CP: variants seen among roughly 807,000 people sequenced by gnomAD.
The protein encoded by CP is ceruloplasmin, also known as caeruloplasmin.
CP carries 64 observed loss-of-function variants against 122.4 expected under a neutral mutation model. The observed-to-expected ratio is 0.52, with a 90% CI of 0.43 to 0.64. The LOEUF (loss-of-function observed/expected upper bound fraction) is 0.64. Among genes scored for constraint, CP ranks in the 30% least tolerant of loss-of-function variants. The pLI is 0.00. For missense variants in CP, 1,167 were observed against 1,284.4 expected, an observed-to-expected ratio of 0.91 and a Z score of 1.40; for synonymous variants, 440 against 436.4, an observed-to-expected ratio of 1.01 and a Z score of -0.10.
At position 149,183,578 on chromosome 3, in the gene CP, T is replaced by C. The variant is rs1467047935; in HGVS notation, c.2313A>G (p.Gly771=). The C allele has an allele frequency of 5.0e-6, 8 of 1,601,036 alleles. No homozygotes were observed. Among genetic ancestry groups the C allele is most frequent in the Non-Finnish European group, 5.1e-6 (6 of 1,171,096 alleles). ...QNVSNAFLDK[G]EFYIGSKYKK... is the part of the protein sequence containing the mutation. Reference sequence around the variant, plus strand: ...TGTACTTTGAGCCTATGTAAAACTCTCCCTTATCTAAAAATGCATTTGAAA... The same window carrying C: ...TGTACTTTGAGCCTATGTAAAACTCCCCCTTATCTAAAAATGCATTTGAAA... Residue 771 remains glycine (G), a synonymous_variant, in exon 13 of 19, where the codon GGA becomes GGG. Transcript: ENST00000264613.
Position 149,210,681 on chromosome 3 carries a change from C to T in CP, c.395-302G>A, listed in dbSNP as rs369272463. The stretch of plus-strand genomic sequence containing the variant: ...TGGGAGTCTGAGCAAAAAGGCTACC[C>T]TCTTCTAAATTCAAAACTTCTTATA... On this transcript the variant is annotated intron_variant, in intron 2 of 18. Coordinates refer to ENST00000264613, the MANE Select transcript of CP (RefSeq NM_000096.4). 3.0e-4 allele frequency among the ~76,000 whole-genome samples: 46 copies of T among 152,264 alleles called. 3 individuals carry two copies. The highest frequency in any genetic ancestry group is 1.8e-3 in the Admixed American group (27 of 15,284).
intron 2 of CP, among the ~76,000 whole-genome samples, chr3:149,212,173 T>C (rs1728154076): frequency 6.6e-6 from 1 of 151,734 alleles, no homozygotes; most frequent in South Asian, 2.1e-4. Context: ...TTGCCAGGCA[T>C]GGTAGTGGGC....
chr3:149,186,363 G>A, intron 11 of CP, 157 bp downstream of exon 11: 1 of 711,460 alleles, frequency 1.4e-6, no homozygotes, highest in Non-Finnish European at 2.5e-6. Context: ...ACATACTTCA[G>A]CTGATAGTGG....
At chr3:149,207,318 C>A (rs1377985898) in intron 5 of CP, 45 bp downstream of exon 5, 2 of 1,613,102 alleles carry the variant, frequency 1.2e-6, no homozygotes, top group Non-Finnish European at 1.7e-6. Flanking sequence ...TTCCCAGTAA[C>A]CACCTTTTTC....
intron 3 of CP, 29 bp downstream of exon 3, chr3:149,210,138 A>C: frequency 6.2e-7 from 1 of 1,606,396 alleles, no homozygotes; most frequent in Non-Finnish European, 8.5e-7. Context: ...TTTTGGTCAT[A>C]TAGCATGTGC....
At chr3:149,202,605 C>CTTTT (rs34873592) in intron 6 of CP, among the ~76,000 whole-genome samples, 6 of 106,810 alleles carry the variant, frequency 5.6e-5, no homozygotes, top group Non-Finnish European at 9.5e-5. Flanking sequence ...TGTTGTTTGT[C>CTTTT]TTTTTTTTTT....
At position 149,185,320 on chromosome 3, in the gene CP, T is replaced by C; in HGVS notation, c.2204A>G (p.Tyr735Cys). Residue 735 changes from tyrosine to cysteine, a missense_variant, in exon 12 of 19, where the codon TAT becomes TGT. By Grantham distance (194) the Tyr-to-Cys change is radical. Coordinates refer to ENST00000264613, the MANE Select transcript of CP (RefSeq NM_000096.4). The stretch of plus-strand genomic sequence containing the variant: ...CCATTCCACCTCCACTGCTGCGATA[T>C]AGTATGTCCTCTCTCCCAGGTAGAA... The part of the protein sequence containing the change: ...STFYLGERTY[Y>C]IAAVEVEWDY... 1 of 1,614,138 alleles carries C rather than the reference T, an allele frequency of 6.2e-7. No homozygotes were observed. Among genetic ancestry groups the C allele is most frequent in the Non-Finnish European group, 8.5e-7 (1 of 1,180,012 alleles).
chr3:149,209,149 T>C, intron 4 of CP, 62 bp downstream of exon 4: 1 of 1,599,180 alleles, frequency 6.3e-7, no homozygotes, highest in Non-Finnish European at 8.6e-7. Flanking sequence ...GGGAATAAGC[T>C]TAGCAGAATT....
chr3:149,207,667 T>C, intron 4 of CP, 50 bp from the exon 5 acceptor site: 1 of 1,591,318 alleles, frequency 6.3e-7, no homozygotes, highest in Non-Finnish European at 8.6e-7. Context: ...ATGCTTGAGA[T>C]AGTGAGAGTT....
chr3:149,181,656 A>G (rs1725783171), intron 14 of CP, among the ~76,000 whole-genome samples: 1 of 152,188 alleles, frequency 6.6e-6, no homozygotes, highest in Non-Finnish European at 1.5e-5. Flanking sequence ...CCTTAGAACC[A>G]CATGTGCTAG....
chr3:149,209,090 G>C, intron 4 of CP, 121 bp downstream of exon 4: 1 of 1,272,926 alleles, frequency 7.9e-7, no homozygotes, highest in South Asian at 1.3e-5. Flanking sequence ...CATCCAATAT[G>C]CTTTGTTATA....
rs376348284 is a variant in CP at position 149,207,408 on chromosome 3, G to T, written c.991C>A (p.Pro331Thr). ...TGACAGCTGAGCATCCATTCTCCAG[G>T]GTTCTGGGCCACCATATAAGCATCA... Reference protein sequence around the residue: ...LFDAYMVAQNPGEWMLSCQNL... With the variant: ...LFDAYMVAQNTGEWMLSCQNL... Residue 331 changes from proline (P) to threonine (T), a missense_variant, in exon 5 of 19, where the codon CCT becomes ACT. Physicochemically the swap from Pro to Thr is conservative, Grantham distance 38. Coordinates refer to ENST00000264613, the MANE Select transcript of CP (RefSeq NM_000096.4). 1 of 1,613,890 alleles carries T rather than the reference G, an allele frequency of 6.2e-7. No individual in the cohort carries two copies. The highest frequency in any genetic ancestry group is 8.5e-7 in the Non-Finnish European group (1 of 1,179,838).
At chr3:149,166,293 T>A (rs1724406707) in intron 4 of CP, among the ~76,000 whole-genome samples, 1 of 152,218 alleles carries the variant, frequency 6.6e-6, no homozygotes, top group Non-Finnish European at 1.5e-5. Flanking sequence ...TTTAGTCTTA[T>A]TAAGTGTTAA....
intron 17 of CP, chr3:149,176,666 C>T (rs1559934242): frequency 2.3e-6 from 1 of 427,902 alleles, no homozygotes. Flanking sequence ...TACCTACAAA[C>T]CTCCTGTACC....
intron 12 of CP, among the ~76,000 whole-genome samples, chr3:149,184,231 T>C (rs1282230553): frequency 1.3e-5 from 2 of 151,738 alleles, no homozygotes; most frequent in African/African-American, 4.8e-5. Flanking sequence ...GAGACGGGGT[T>C]TCACCATGTT....
intron 5 of CP, among the ~76,000 whole-genome samples, chr3:149,164,651 T>C (rs1724228109): frequency 6.6e-6 from 1 of 152,166 alleles, no homozygotes; most frequent in Non-Finnish European, 1.5e-5. Context: ...GATTTCCTAT[T>C]AAGAATTCTG....
rs779758482 is a variant in CP at position 149,199,759 on chromosome 3, T to C, written c.1454A>G (p.Asn485Ser). ...TGGGGAATAGTATGTGCCCTCGTTG[T>C]TCTTATTGAATCTCACCCCAATCGG... is the stretch of plus-strand genomic sequence containing the variant. ...IEPIGVRFNK[N>S]NEGTYYSPNY... Residue 485 changes from asparagine (N) to serine (S), a missense_variant, in exon 8 of 19, where the codon AAC becomes AGC. Physicochemically the swap from Asn to Ser is conservative, Grantham distance 46 (BLOSUM62 1). Coordinates refer to ENST00000264613, the MANE Select transcript of CP (RefSeq NM_000096.4). The C allele has an allele frequency of 1.2e-6, 2 of 1,614,174 alleles. No homozygotes were observed. Among genetic ancestry groups the C allele is most frequent in the Admixed American group, 3.3e-5 (2 of 60,026 alleles).
chr3:149,202,831 G>A (rs371138741), intron 6 of CP, among the ~76,000 whole-genome samples: 1 of 148,754 alleles, frequency 6.7e-6, no homozygotes, highest in Non-Finnish European at 1.5e-5. Context: ...GGATGGTCTC[G>A]ATCTCCTGAC....
At chr3:149,205,868 C>T (rs746420365) in intron 6 of CP, among the ~76,000 whole-genome samples, 3 of 152,146 alleles carry the variant, frequency 2.0e-5, no homozygotes, top group Admixed American at 6.5e-5. Context: ...GCTGCTGAAT[C>T]GTACAGTGCC....
Sources: gnomAD v4.1 joint callset for allele counts (sites outside exome capture counted in the v4.1 genomes callset) on GRCh38, gnomAD v4.1.1 for gene constraint, MANE v1.5 for transcripts, NCBI Gene and HGNC (gene_info 2026-07-23, HGNC 2026-07-21) for gene names.